LRBA: variants seen among roughly 807,000 people sequenced by gnomAD.
The protein encoded by LRBA is lipopolysaccharide-responsive and beige-like anchor protein.
Under a neutral mutation model 330.0 loss-of-function variants are expected in LRBA, and 176 were observed. The observed-to-expected ratio is 0.53, with a 90% CI of 0.47 to 0.60. LRBA has a LOEUF of 0.60. Ranked by LOEUF, LRBA falls within the 20% of genes least tolerant of loss-of-function variation. The probability of loss-of-function intolerance (pLI) is 0.00; values close to 1 mark genes in which losing one functional copy is unlikely to be tolerated. For synonymous variants in LRBA, 1,230 were observed against 1,193.0 expected, an observed-to-expected ratio of 1.03 and a Z score of -0.64; for missense variants, 3,259 against 3,444.8, an observed-to-expected ratio of 0.95 and a Z score of 1.35.
intron 54 of LRBA, among the ~76,000 whole-genome samples, chr4:150,284,871 A>G (rs1193337417): frequency 4.6e-5 from 7 of 152,212 alleles, no homozygotes; most frequent in Non-Finnish European, 1.5e-5. Flanking sequence ...AAATTTACCA[A>G]TGATTATTCA....
intron 46 of LRBA, among the ~76,000 whole-genome samples, chr4:150,434,481 C>A (rs567086680): frequency 1.3e-5 from 2 of 152,090 alleles, no homozygotes; most frequent in Non-Finnish European, 2.9e-5. Context: ...ATTTCAAGAA[C>A]GGGTACATAG....
intron 2 of LRBA, among the ~76,000 whole-genome samples, chr4:150,971,064 G>C (rs1739531102): frequency 6.6e-6 from 1 of 152,062 alleles, no homozygotes; most frequent in African/African-American, 2.4e-5. Context: ...AAAAAGAAAA[G>C]AAAAATTCAA....
chr4:150,384,810 T>C (rs1742818136), intron 47 of LRBA, among the ~76,000 whole-genome samples: 1 of 151,858 alleles, frequency 6.6e-6, no homozygotes, highest in South Asian at 2.1e-4. Flanking sequence ...AGGAAGGAGA[T>C]AAGGGCTTTA....
In LRBA at chr4:150,893,034, T is replaced by C; in HGVS notation, c.2165+18A>G. The stretch of plus-strand genomic sequence containing the variant: ...TTCCAAACTAATCCCTTATATGAAA[T>C]AGATTAAAAACTCTTACCGTAACCC... On this transcript the variant is annotated intron_variant, in intron 17 of 56. Transcript: ENST00000651943. The C allele has an allele frequency of 2.0e-6, 3 of 1,482,512 alleles. No individual in the cohort carries two copies. The highest frequency in any genetic ancestry group is 1.4e-5 in the African/African-American group (1 of 71,572). 91.8% of individuals were successfully genotyped at this position (1,482,512 alleles called of 1,614,324 possible).
intron 33 of LRBA, among the ~76,000 whole-genome samples, chr4:150,800,630 C>T (rs1741474275): frequency 6.6e-6 from 1 of 152,148 alleles, no homozygotes; most frequent in South Asian, 2.1e-4. Flanking sequence ...TTGTAAGTTA[C>T]TGCCAGAACT....
chr4:150,343,375 G>GT (rs1449531745), intron 48 of LRBA, among the ~76,000 whole-genome samples: 1 of 152,158 alleles, frequency 6.6e-6, no homozygotes, highest in Non-Finnish European at 1.5e-5. Flanking sequence ...TGAAATTACA[G>GT]TCTTTAAATT....
At chr4:150,682,822 T>C (rs992227123) in intron 37 of LRBA, among the ~76,000 whole-genome samples, 10 of 152,078 alleles carry the variant, frequency 6.6e-5, no homozygotes, top group African/African-American at 2.4e-4. Context: ...AATAGCAAAA[T>C]AAAAACTTTC....
rs750589475 is a variant in LRBA, at chr4:150,844,219, TA to T, written c.4462-13del. 5.6e-4 allele frequency: 769 copies of T among 1,363,652 alleles called. No homozygotes were observed. Among genetic ancestry groups the T allele is most frequent in the South Asian group, 9.3e-4 (71 of 76,468 alleles). 84.5% of individuals were successfully genotyped at this position (1,363,652 alleles called of 1,614,324 possible). A position where few individuals can be genotyped will look rare whatever the true frequency, so the allele number is the denominator to read the frequency against. ...ATGTCCACTGGGCTCTATTTAAGAT[TA>T]AAAAAAAATTGTATATATATATATT... On this transcript the variant is annotated splice_polypyrimidine_tract_variant and intron_variant, in intron 27 of 56. Transcript: ENST00000651943.
intron 40 of LRBA, among the ~76,000 whole-genome samples, chr4:150,567,435 G>T (rs1769280285): frequency 6.6e-6 from 1 of 152,034 alleles, no homozygotes; most frequent in Non-Finnish European, 1.5e-5. Flanking sequence ...AACTGTCATG[G>T]ACAACTGCAG....
chr4:150,941,732 C>T (rs1735697749), intron 2 of LRBA, among the ~76,000 whole-genome samples: 1 of 151,958 alleles, frequency 6.6e-6, no homozygotes, highest in Non-Finnish European at 1.5e-5. Flanking sequence ...AATAAAAATA[C>T]AAAAATTAGC....
chr4:150,635,885 T>C (rs1376823283), intron 37 of LRBA, among the ~76,000 whole-genome samples: 1 of 152,218 alleles, frequency 6.6e-6, no homozygotes, highest in Admixed American at 6.5e-5. Context: ...TCTGGCAGAA[T>C]AGTTCTATAG....
At chr4:150,737,769 T>A (rs1176148111) in intron 35 of LRBA, among the ~76,000 whole-genome samples, 2 of 152,124 alleles carry the variant, frequency 1.3e-5, no homozygotes, top group Admixed American at 1.3e-4. Flanking sequence ...TCAGTAAAGA[T>A]GAGAAGTTAG....
At chr4:150,721,666 G>A (rs907531359) in intron 36 of LRBA, among the ~76,000 whole-genome samples, 2 of 152,150 alleles carry the variant, frequency 1.3e-5, no homozygotes, top group African/African-American at 4.8e-5. Context: ...CCAGGCTGGA[G>A]TGCAGTGGCA....
rs1771659749 is a variant in LRBA, at chr4:150,583,395, T to C, written c.6330+4653A>G. Reference sequence around the variant, plus strand: ...TCGAGTTCATCACGGCGTCGGGCTATCTCTCAGCGCGTAAGATCCGCTCGC... The same window carrying C: ...TCGAGTTCATCACGGCGTCGGGCTACCTCTCAGCGCGTAAGATCCGCTCGC... On this transcript the variant is annotated intron_variant, in intron 40 of 56. Transcript: ENST00000651943. This position sits in a 1 kb window ranked among gnomAD's most constrained non-coding sequence, Gnocchi z 9.8. The C allele has an allele frequency of 6.2e-7, 1 of 1,613,926 alleles. No individual in the cohort carries two copies.
Position 150,599,084 on chromosome 4 carries a change from C to T in LRBA, c.5969G>A (p.Arg1990Gln), listed in dbSNP as rs1224119368. ...GTTACGCACAAATCGTCGCCGGCGC[C>T]GCAAGTCATCTTCCCAGTAGTCAAG... ...WRLDYWEDDLRRRRRFVRNPL... is the reference protein window; with the variant it reads ...WRLDYWEDDLQRRRRFVRNPL... Residue 1990 changes from arginine to glutamine, a missense_variant, in exon 38 of 57, where the codon CGG (arginine) becomes CAG (glutamine). Coordinates refer to ENST00000651943, the MANE Select transcript of LRBA (RefSeq NM_001364905.1). 6.8e-6 allele frequency: 11 copies of T among 1,613,944 alleles called. No individual in the cohort carries two copies. The highest frequency in any genetic ancestry group is 9.3e-6 in the Non-Finnish European group (11 of 1,179,980).
intron 40 of LRBA, among the ~76,000 whole-genome samples, chr4:150,518,426 A>C (rs1392897734): frequency 6.6e-6 from 1 of 152,210 alleles, no homozygotes. Flanking sequence ...ACTGTAACTA[A>C]AACTATGGAA....
At chr4:150,844,996 G>A (rs1749645202) in intron 26 of LRBA, among the ~76,000 whole-genome samples, 1 of 152,122 alleles carries the variant, frequency 6.6e-6, no homozygotes, top group Non-Finnish European at 1.5e-5. Flanking sequence ...ATTTAGGGAG[G>A]CAGTATGGCC....
chr4:150,810,704 C>G (rs1358366407), intron 31 of LRBA, among the ~76,000 whole-genome samples: 1 of 152,084 alleles, frequency 6.6e-6, no homozygotes, highest in East Asian at 1.9e-4. Context: ...TGGACTCAAG[C>G]CGTCTTCCTG....
At chr4:150,857,795 G>A (rs1363313424) in intron 22 of LRBA, among the ~76,000 whole-genome samples, 3 of 152,080 alleles carry the variant, frequency 2.0e-5, no homozygotes, top group African/African-American at 7.2e-5. Context: ...TCATTTACAC[G>A]GTCACTCCTT....
Sources: allele counts gnomAD v4.1 joint callset (sites outside exome capture counted in the v4.1 genomes callset), GRCh38; gene constraint gnomAD v4.1.1; non-coding constraint Gnocchi (gnomAD v3.1); transcripts MANE v1.5; gene names NCBI Gene and HGNC (gene_info 2026-07-23, HGNC 2026-07-21).